Variants in DTX2 observed in about 807,000 individuals in gnomAD.
DTX2 encodes the protein deltex E3 ubiquitin ligase 2.
A neutral mutation model predicts 55.3 loss-of-function variants in DTX2; 29 were observed. That is an observed-to-expected ratio of 0.52 (90% CI 0.39 to 0.71). DTX2 has a LOEUF of 0.71. DTX2 is among the 30% of genes least tolerant of loss of function. The pLI is 0.00. For synonymous variants in DTX2, 276 were observed against 340.4 expected, an observed-to-expected ratio of 0.81 and a Z score of 2.08; for missense variants, 537 against 822.5, an observed-to-expected ratio of 0.65 and a Z score of 4.25.
At chr7:76,471,512 G>A (rs1807917220) in intron 2 of DTX2, among the ~76,000 whole-genome samples, 1 of 149,920 alleles carries the variant, frequency 6.7e-6, no homozygotes, top group Non-Finnish European at 1.5e-5. Context: ...CCTGGATGCG[G>A]GTTCCTGCTT....
intron 6 of DTX2, among the ~76,000 whole-genome samples, chr7:76,498,168 G>C (rs1255907922): frequency 1.3e-5 from 2 of 152,170 alleles, no homozygotes; most frequent in East Asian, 1.9e-4. Context: ...CCGTGGCCCT[G>C]CTGGCCCTCA....
At chr7:76,489,761 T>TG (rs1333999181) in intron 4 of DTX2, among the ~76,000 whole-genome samples, 3 of 115,308 alleles carry the variant, frequency 2.6e-5, no homozygotes, top group Non-Finnish European at 5.6e-5. Context: ...AGGCAGATGT[T>TG]GCAGCGAGCC....
chr7:76,505,515 G>A lies in DTX2; in HGVS notation c.1783G>A (p.Gly595Ser), dbSNP rs779458207. 2.8e-5 allele frequency: 45 copies of A among 1,609,386 alleles called. No homozygotes were observed. Among genetic ancestry groups the A allele is most frequent in the Non-Finnish European group, 3.8e-5 (45 of 1,178,200 alleles). Reference protein sequence around the residue: ...TEMDRNITGHGYPDPNYLQNV... With the variant: ...TEMDRNITGHSYPDPNYLQNV... ...GATGGACCGCAACATTACGGGCCAC[G>A]GCTATCCCGACCCCAACTACCTGCA... is the stretch of plus-strand genomic sequence containing the variant. Residue 595 changes from glycine (G) to serine (S), a missense_variant, in exon 11 of 11, where the codon GGC becomes AGC. This residue lies in a region of DTX2 where 59 missense variants were observed against 54.1 expected (regional missense o/e 1.09). Transcript: ENST00000430490. The surrounding 1 kb of genome is among the most constrained non-coding windows in gnomAD (Gnocchi z 4.4).
rs139768070 is a variant in DTX2, at chr7:76,480,590, G to A, written c.81G>A (p.Gly27=). ...TGGCCGTGTGGGAATGGCAGGACGG[G>A]CTGGGCACCTGGCACCCCTACAGTG... The part of the protein sequence containing the change: ...AAVAVWEWQD[G]LGTWHPYSAT... The change falls in exon 3 of 11, where the codon GGG becomes GGA. Residue 27 remains glycine, a synonymous_variant. Coordinates refer to ENST00000430490, the MANE Select transcript of DTX2 (RefSeq NM_001102594.3). 102 of 1,613,030 alleles carry A rather than the reference G, an allele frequency of 6.3e-5. No individual in the cohort carries two copies. The African/African-American group carries it at 1.2e-3, about 20-fold the overall frequency.
chr7:76,505,659 G>A lies in DTX2; in HGVS notation c.*58G>A, dbSNP rs1407798602. 2.7e-5 allele frequency: 41 copies of A among 1,511,090 alleles called. No individual in the cohort carries two copies. The highest frequency in any genetic ancestry group is 3.4e-5 in the Non-Finnish European group (38 of 1,127,128). 93.6% of individuals were successfully genotyped at this position (1,511,090 alleles called of 1,614,324 possible). On this transcript the variant is annotated 3_prime_UTR_variant, in exon 11 of 11. Coordinates refer to ENST00000430490, the MANE Select transcript of DTX2 (RefSeq NM_001102594.3). This position sits in a 1 kb window ranked among gnomAD's most constrained non-coding sequence, Gnocchi z 4.4. ...CACCCCGCTGCCCCATGGCTGGCTG[G>A]GTGGCCAGGCAGGAAGTGCCCAGCC...
intron 2 of DTX2, among the ~76,000 whole-genome samples, chr7:76,467,139 T>G (rs1363363494): frequency 1.3e-4 from 19 of 151,488 alleles, no homozygotes; most frequent in African/African-American, 4.1e-4. Context: ...GCTCAAGCAA[T>G]TCACCCGCCT....
At chr7:76,481,172 C>T (rs2116371400) in intron 3 of DTX2, among the ~76,000 whole-genome samples, 1 of 150,604 alleles carries the variant, frequency 6.6e-6, no homozygotes, top group Non-Finnish European at 1.5e-5. Flanking sequence ...GCTTTTTGGT[C>T]TGCGATGTGT....
chr7:76,482,920 C>T lies in DTX2; in HGVS notation c.681C>T (p.Pro227=), dbSNP rs1244887295. ...SMTNLPAYPV[P]QHPPHRTASV... is the part of the protein sequence containing the mutation. ...CCAACCTCCCTGCATACCCCGTCCC[C>T]CAGCACCCCCCACACAGGACCGCTT... The change falls in exon 4 of 11, where the codon CCC becomes CCT. Residue 227 remains proline, a synonymous_variant. Coordinates refer to ENST00000430490, the MANE Select transcript of DTX2 (RefSeq NM_001102594.3). 1 of 1,613,760 alleles carries T rather than the reference C, an allele frequency of 6.2e-7. No individual in the cohort carries two copies. The highest frequency in any genetic ancestry group is 1.3e-5 in the African/African-American group (1 of 74,924).
intron 1 of DTX2, chr7:76,463,299 A>T (rs1159353119): frequency 1.3e-5 from 2 of 150,202 alleles, no homozygotes; most frequent in Non-Finnish European, 3.0e-5. Context: ...AATAATAAAA[A>T]ATTTTAAAAA....
In DTX2 at chr7:76,469,784, G is replaced by A. The variant is rs374991250; in HGVS notation, c.-90+6075G>A. On this transcript the variant is annotated intron_variant, in intron 2 of 10. Coordinates refer to ENST00000430490, the MANE Select transcript of DTX2 (RefSeq NM_001102594.3). ...ACATCTACAGGCCAGTTTGTCCGTC[G>A]TCAGTCTGTCTTGGTGGGAAAGACA... Among the ~76,000 whole-genome samples the A allele has an allele frequency of 4.6e-3, 570 of 124,008 alleles. 1 individual carries two copies. The highest frequency in any genetic ancestry group is 0.036 in the Middle Eastern group (8 of 220). 81.4% of individuals were successfully genotyped at this position (124,008 alleles called of 152,430 possible).
At chr7:76,474,261 C>A (rs1269857913) in intron 2 of DTX2, among the ~76,000 whole-genome samples, 1 of 149,446 alleles carries the variant, frequency 6.7e-6, no homozygotes, top group Non-Finnish European at 1.5e-5. Flanking sequence ...TGCTATGTTG[C>A]CCAGACTGGT....
At chr7:76,476,319 G>A (rs1433234198) in intron 2 of DTX2, among the ~76,000 whole-genome samples, 2 of 114,546 alleles carry the variant, frequency 1.7e-5, no homozygotes, top group Non-Finnish European at 3.5e-5. Context: ...GCACCGACAC[G>A]CCACTGTATT....
intron 2 of DTX2, among the ~76,000 whole-genome samples, chr7:76,469,427 C>G (rs1199003722): frequency 9.3e-6 from 1 of 107,776 alleles, no homozygotes; most frequent in East Asian, 3.1e-4. Flanking sequence ...GATTCTCATT[C>G]TGTCGCCCAA....
At chr7:76,468,760 T>A (rs1269505895) in intron 2 of DTX2, among the ~76,000 whole-genome samples, 2 of 54,334 alleles carry the variant, frequency 3.7e-5, no homozygotes, top group Non-Finnish European at 6.6e-5. Flanking sequence ...CGCCCAGCAT[T>A]TTTTTTTTTT....
chr7:76,490,207 T>G lies in DTX2; in HGVS notation c.909-1946T>G, dbSNP rs1810271768. Among the ~76,000 whole-genome samples the G allele has an allele frequency of 2.4e-5, 2 of 84,836 alleles. 1 individual carries two copies. The highest frequency in any genetic ancestry group is 9.0e-4 in the South Asian group (2 of 2,222). 55.7% of individuals were successfully genotyped at this position (84,836 alleles called of 152,430 possible). A position where few individuals can be genotyped will look rare whatever the true frequency, so the allele number is the denominator to read the frequency against. On this transcript the variant is annotated intron_variant, in intron 4 of 10. Transcript: ENST00000430490. ...TGGGTGTGGTGGCACGCACCTGTAGTCCCAGCTACTCAGGAGGCTGAGGCA... is the reference window on the plus strand; with the variant it reads ...TGGGTGTGGTGGCACGCACCTGTAGGCCCAGCTACTCAGGAGGCTGAGGCA...
intron 4 of DTX2, among the ~76,000 whole-genome samples, chr7:76,489,778 A>G (rs1810230855): frequency 1.6e-5 from 2 of 122,202 alleles, no homozygotes; most frequent in African/African-American, 2.9e-5. Flanking sequence ...AGCCAAGATC[A>G]TGCCACTGCA....
rs760008191 is a variant in DTX2, at chr7:76,500,415, G to A, written c.1151-26G>A. ...CTCTCCAGCCTGTGCTCCTCAGGAC[G>A]CTGCTTATGTACTTCTCTCTTCTAG... is the stretch of plus-strand genomic sequence containing the variant. On this transcript the variant is annotated intron_variant, in intron 6 of 10. Coordinates refer to ENST00000430490, the MANE Select transcript of DTX2 (RefSeq NM_001102594.3). 1.6e-5 allele frequency: 11 copies of A among 707,000 alleles called. 1 individual carries two copies. The Admixed American group carries it at 2.4e-4, about 15-fold the overall frequency. 43.8% of individuals were successfully genotyped at this position (707,000 alleles called of 1,614,324 possible).
chr7:76,500,686 A>G lies in DTX2; in HGVS notation c.1230+166A>G, dbSNP rs375224831. 8.2e-3 allele frequency among the ~76,000 whole-genome samples: 1,231 copies of G among 150,856 alleles called. 13 individuals are homozygous for G. The highest frequency in any genetic ancestry group is 0.024 in the South Asian group (112 of 4,750). On this transcript the variant is annotated intron_variant, in intron 7 of 10. Transcript: ENST00000430490. ...CATCTCCCAGCCTCCCGAGACCCAC[A>G]TCGTTATGGTCTGAGCTTTGCACTT...
chr7:76,503,250 A>C (rs1286364172), intron 8 of DTX2, 176 bp from the exon 9 acceptor site: 6 of 702,194 alleles, frequency 8.5e-6, no homozygotes, highest in Middle Eastern at 4.2e-4. Flanking sequence ...TTGCTGGTGC[A>C]AAACAAAGCT....
Sources: allele counts gnomAD v4.1 joint callset (sites outside exome capture counted in the v4.1 genomes callset), GRCh38; gene constraint gnomAD v4.1.1; regional missense constraint gnomAD v4.1.1; non-coding constraint Gnocchi (gnomAD v3.1); transcripts MANE v1.5; gene names NCBI Gene and HGNC (gene_info 2026-07-23, HGNC 2026-07-21).